IPCEF1: variants seen among roughly 807,000 people sequenced by gnomAD.
IPCEF1 encodes interactor protein for cytohesin exchange factors 1.
Under a neutral mutation model 50.9 loss-of-function variants are expected in IPCEF1, and 31 were observed. That is an observed-to-expected ratio of 0.61 (90% CI 0.46 to 0.82). IPCEF1 has a LOEUF of 0.82. Among genes scored for constraint, IPCEF1 ranks in the 40% least tolerant of loss-of-function variants. IPCEF1 has a pLI of 0.00. For synonymous variants in IPCEF1, 181 were observed against 192.0 expected (o/e 0.94, Z 0.47); for missense variants, 458 against 514.0 (o/e 0.89, Z 1.05).
At chr6:154,217,432 A>G (rs1316289089) in intron 7 of IPCEF1, 2 of 142,372 alleles carry the variant, frequency 1.4e-5, no homozygotes, top group Non-Finnish European at 3.1e-5. Context: ...GGCTGCATGG[A>G]GAAAAAAAAA....
chr6:154,268,976 A>C (rs979144512), intron 2 of IPCEF1, among the ~76,000 whole-genome samples: 3 of 152,124 alleles, frequency 2.0e-5, no homozygotes, highest in South Asian at 4.1e-4. Flanking sequence ...AGAAGTTTTC[A>C]TCATTGTAGT....
At chr6:154,211,700 T>C (rs1231425359) in intron 9 of IPCEF1, among the ~76,000 whole-genome samples, 1 of 152,152 alleles carries the variant, frequency 6.6e-6, no homozygotes, top group African/African-American at 2.4e-5. Context: ...TGTGGAACAG[T>C]TTAAAAAAGA....
intron 1 of IPCEF1, among the ~76,000 whole-genome samples, chr6:154,302,944 T>C (rs1210040128): frequency 2.0e-5 from 3 of 152,196 alleles, no homozygotes; most frequent in African/African-American, 7.2e-5. Context: ...ATTTTGTGTA[T>C]TGACTCTGCA....
chr6:154,208,503 T>G (rs987675450), intron 9 of IPCEF1, among the ~76,000 whole-genome samples: 3 of 152,338 alleles, frequency 2.0e-5, no homozygotes, highest in Admixed American at 2.0e-4. Flanking sequence ...ATTATGTGGA[T>G]TTTTTATTAA....
At chr6:154,219,087 G>C (rs1332092647) in intron 7 of IPCEF1, 1 of 152,194 alleles carries the variant, frequency 6.6e-6, no homozygotes, top group Non-Finnish European at 1.5e-5. Context: ...AAAATTGGAA[G>C]ATAAATAAAC....
At chr6:154,238,351 G>T (rs1455348690) in intron 5 of IPCEF1, among the ~76,000 whole-genome samples, 2 of 152,062 alleles carry the variant, frequency 1.3e-5, no homozygotes, top group African/African-American at 4.8e-5. Flanking sequence ...TGCCTCCCAG[G>T]TTCAAGCGAT....
chr6:154,354,494 T>TCTCCTCCAC (rs1784179745), intron 1 of IPCEF1, among the ~76,000 whole-genome samples: 3 of 25,770 alleles, frequency 1.2e-4, no homozygotes, highest in African/African-American at 2.1e-4. Flanking sequence ...ATCTCTACCG[T>TCTCCTCCAC]CACTTCCACC....
intron 1 of IPCEF1, among the ~76,000 whole-genome samples, chr6:154,304,522 T>C (rs1049025363): frequency 2.6e-5 from 4 of 152,296 alleles, no homozygotes; most frequent in Admixed American, 6.5e-5. Context: ...CTAGTAAACA[T>C]TGAATAAATG....
rs150766517 is a variant in IPCEF1 at position 154,167,526 on chromosome 6, C to T, written c.1104+394G>A. Among the ~76,000 whole-genome samples, 6 of 152,282 alleles carry T rather than the reference C, an allele frequency of 3.9e-5. No individual in the cohort carries two copies. The East Asian group carries it at 9.7e-4, about 24-fold the overall frequency. On this transcript the variant is annotated intron_variant, in intron 11 of 11. Coordinates refer to ENST00000367220, the MANE Select transcript of IPCEF1 (RefSeq NM_001130700.2). The stretch of plus-strand genomic sequence containing the variant: ...CCCTTGTATGAATCAGATGAAAATT[C>T]GAGATCTTATTTATACGACTGTTTA...
intron 1 of IPCEF1, among the ~76,000 whole-genome samples, chr6:154,340,327 T>C (rs1371945163): frequency 6.6e-6 from 1 of 151,656 alleles, no homozygotes; most frequent in Non-Finnish European, 1.5e-5. Context: ...CTCGGCTCAC[T>C]GCAACCTCTG....
intron 1 of IPCEF1, among the ~76,000 whole-genome samples, chr6:154,306,131 G>A (rs1381986419): frequency 6.6e-6 from 1 of 151,948 alleles, no homozygotes; most frequent in African/African-American, 2.4e-5. Flanking sequence ...TCTCCTGCCT[G>A]CCCACCCCGA....
chr6:154,276,050 G>A (rs1363629694), intron 2 of IPCEF1, among the ~76,000 whole-genome samples: 1 of 152,116 alleles, frequency 6.6e-6, no homozygotes, highest in Non-Finnish European at 1.5e-5. Context: ...TGGCCATGGT[G>A]GCAGGTGCCT....
At chr6:154,301,956 T>C (rs1016243893) in intron 1 of IPCEF1, among the ~76,000 whole-genome samples, 1 of 152,250 alleles carries the variant, frequency 6.6e-6, no homozygotes, top group East Asian at 1.9e-4. Context: ...ATTTACGATG[T>C]GTTGGTTATG....
intron 5 of IPCEF1, among the ~76,000 whole-genome samples, chr6:154,237,856 A>G (rs1780258714): frequency 6.7e-6 from 1 of 148,668 alleles, no homozygotes; most frequent in African/African-American, 2.4e-5. Flanking sequence ...ACACATACAT[A>G]TCTATATATG....
intron 1 of IPCEF1, among the ~76,000 whole-genome samples, chr6:154,323,867 C>A (rs548280341): frequency 6.6e-6 from 1 of 152,148 alleles, no homozygotes; most frequent in African/African-American, 2.4e-5. Context: ...GCAAGAGAAT[C>A]GTTTGAATCC....
intron 1 of IPCEF1, among the ~76,000 whole-genome samples, chr6:154,309,611 T>C (rs1783024309): frequency 6.6e-6 from 1 of 152,132 alleles, no homozygotes; most frequent in African/African-American, 2.4e-5. Flanking sequence ...ATATTTACTG[T>C]CTCTTCTCTG....
intron 3 of IPCEF1, among the ~76,000 whole-genome samples, chr6:154,256,330 T>G (rs1446360813): frequency 2.0e-5 from 3 of 152,136 alleles, no homozygotes; most frequent in Non-Finnish European, 4.4e-5. Flanking sequence ...TAATTAACTC[T>G]CAAAGGTTCC....
At chr6:154,239,734 C>T (rs970756259) in intron 5 of IPCEF1, among the ~76,000 whole-genome samples, 1 of 152,172 alleles carries the variant, frequency 6.6e-6, no homozygotes, top group African/African-American at 2.4e-5. Context: ...GACGCAGTCT[C>T]GCTCTGTCAC....
At chr6:154,297,024 A>T (rs1782681989) in intron 1 of IPCEF1, among the ~76,000 whole-genome samples, 2 of 151,892 alleles carry the variant, frequency 1.3e-5, no homozygotes. Flanking sequence ...CAAAGTCATT[A>T]CATTTCTTTT....
Sources: gnomAD v4.1 joint callset for allele counts (sites outside exome capture counted in the v4.1 genomes callset) on GRCh38, gnomAD v4.1.1 for gene constraint, MANE v1.5 for transcripts, NCBI Gene and HGNC (gene_info 2026-07-23, HGNC 2026-07-21) for gene names.